The following LRBA variants were observed in gnomAD, a reference collection of about 807,000 sequenced individuals.
LRBA encodes the protein lipopolysaccharide-responsive and beige-like anchor protein.
LRBA carries 176 observed loss-of-function variants against 330.0 expected under a neutral mutation model. The observed-to-expected ratio is 0.53, with a 90% CI of 0.47 to 0.60. The LOEUF is 0.60. Among genes scored for constraint, LRBA ranks in the 20% least tolerant of loss-of-function variants. The probability of loss-of-function intolerance (pLI) is 0.00; values close to 1 mark genes in which losing one functional copy is unlikely to be tolerated. For synonymous variants in LRBA, 1,230 were observed against 1,193.0 expected (o/e 1.03, Z -0.64); for missense variants, 3,259 against 3,444.8 (o/e 0.95, Z 1.35).
intron 17 of LRBA, 149 bp downstream of exon 17, chr4:150,892,903 T>A (rs1361072516): frequency 3.9e-6 from 2 of 511,594 alleles, no homozygotes; most frequent in African/African-American, 1.9e-5. Context: ...TGAAAAAAAA[T>A]GCATGATTAT....
In LRBA at chr4:150,475,296, G is replaced by A. The variant is rs531584847; in HGVS notation, c.6552-3557C>T. On this transcript the variant is annotated intron_variant, in intron 42 of 56. Coordinates refer to ENST00000651943, the MANE Select transcript of LRBA (RefSeq NM_001364905.1). Reference sequence around the variant, plus strand: ...TGGTATTGAGGTGACTGACCTTATAGAATGAGTTGCAAGTGTTTCCTCCCT... The same window carrying A: ...TGGTATTGAGGTGACTGACCTTATAAAATGAGTTGCAAGTGTTTCCTCCCT... 7.2e-5 allele frequency among the ~76,000 whole-genome samples: 11 copies of A among 152,268 alleles called. 1 individual carries two copies. In the South Asian group the frequency reaches 2.3e-3, roughly 32 times the overall value.
At chr4:150,784,085 T>C (rs2099309062) in intron 34 of LRBA, among the ~76,000 whole-genome samples, 1 of 152,218 alleles carries the variant, frequency 6.6e-6, no homozygotes, top group African/African-American at 2.4e-5. Flanking sequence ...CCAAGTTTTA[T>C]TAAGGTATAA....
chr4:150,637,392 A>T (rs1033568939), intron 37 of LRBA, among the ~76,000 whole-genome samples: 2 of 152,188 alleles, frequency 1.3e-5, no homozygotes, highest in African/African-American at 4.8e-5. Context: ...CTTTTTCAAC[A>T]TTGTTTCGGC....
In LRBA at chr4:150,844,641, T is replaced by C. The variant is rs1169299058; in HGVS notation, c.4461+17A>G. The C allele has an allele frequency of 6.3e-7, 1 of 1,583,928 alleles. No individual in the cohort carries two copies. The highest frequency in any genetic ancestry group is 8.6e-7 in the Non-Finnish European group (1 of 1,169,144). ...TAGGAGTATGCTTTTTGAAAATTAA[T>C]TAATCTGTATACTTACCTTCGCTGC... is the stretch of plus-strand genomic sequence containing the variant. On this transcript the variant is annotated intron_variant, in intron 27 of 56. Transcript: ENST00000651943.
chr4:150,718,549 T>C (rs1224885109), intron 36 of LRBA, among the ~76,000 whole-genome samples: 2 of 152,058 alleles, frequency 1.3e-5, no homozygotes, highest in Non-Finnish European at 2.9e-5. Context: ...TGAAGTTTGT[T>C]GAAAAAGGGT....
chr4:150,612,031 T>C (rs550058631), intron 37 of LRBA, among the ~76,000 whole-genome samples: 23 of 152,228 alleles, frequency 1.5e-4, no homozygotes, highest in African/African-American at 5.3e-4. Flanking sequence ...GCCTCCTGAG[T>C]AGCTGGGACT....
At chr4:150,490,595 A>T (rs1336816369) in intron 41 of LRBA, among the ~76,000 whole-genome samples, 1 of 151,942 alleles carries the variant, frequency 6.6e-6, no homozygotes, top group African/African-American at 2.4e-5. Context: ...GCCACCTTCC[A>T]GAAGGAATTA....
Position 150,937,384 on chromosome 4 carries a change from T to G in LRBA, c.217-8319A>C, listed in dbSNP as rs555824334. ...GGCATTGGCTAGTTATTATCTGAGC[T>G]GTAGTAATGGCTCTGCACTACAAAA... On this transcript the variant is annotated intron_variant, in intron 2 of 56. Transcript: ENST00000651943. Among the ~76,000 whole-genome samples, 4 of 152,256 alleles carry G rather than the reference T, an allele frequency of 2.6e-5. No homozygotes were observed. In the East Asian group the frequency reaches 7.7e-4, roughly 29 times the overall value.
chr4:150,622,348 A>T (rs115394549), intron 37 of LRBA, among the ~76,000 whole-genome samples: 135 of 152,322 alleles, frequency 8.9e-4, no homozygotes, highest in African/African-American at 3.0e-3. Context: ...AGACCAGTCT[A>T]GGCAATATAT....
At chr4:150,700,692 T>C (rs1460388923) in intron 36 of LRBA, among the ~76,000 whole-genome samples, 1 of 152,230 alleles carries the variant, frequency 6.6e-6, no homozygotes, top group African/African-American at 2.4e-5. Flanking sequence ...ATAACACAGT[T>C]TAAAATGCAC....
In LRBA at chr4:150,735,371, A is replaced by G. The variant is rs1381912872; in HGVS notation, c.5646-5T>C. On this transcript the variant is annotated splice_polypyrimidine_tract_variant and splice_region_variant and intron_variant, in intron 35 of 56. Transcript: ENST00000651943. ...TTCATTGTCTGGCTAAGCAACCTGTAAGAAATGAATGTTATCAAATAAATA... is the reference window on the plus strand; with the variant it reads ...TTCATTGTCTGGCTAAGCAACCTGTGAGAAATGAATGTTATCAAATAAATA... 1.3e-6 allele frequency: 2 copies of G among 1,570,034 alleles called. No homozygotes were observed. Among genetic ancestry groups the G allele is most frequent in the East Asian group, 4.5e-5 (2 of 44,668 alleles).
At chr4:150,694,462 C>CAAAAAAAAAAAAAAAAAAAAAAAAAAAAA (rs58558446) in intron 36 of LRBA, among the ~76,000 whole-genome samples, 7 of 71,038 alleles carry the variant, frequency 9.9e-5, no homozygotes, top group African/African-American at 3.4e-4. Context: ...TGATCTTTAA[C>CAAAAAAAAAAAAAAAAAAAAAAAAAAAAA]AAAAAAAAAA....
At chr4:150,731,998 G>A (rs115031552) in intron 36 of LRBA, among the ~76,000 whole-genome samples, 67 of 151,868 alleles carry the variant, frequency 4.4e-4, no homozygotes, top group African/African-American at 1.4e-3. Flanking sequence ...ATATTACAAC[G>A]AAAAGAAATA....
intron 41 of LRBA, among the ~76,000 whole-genome samples, chr4:150,489,029 TATATTATATATAATATATTA>T: frequency 2.7e-5 from 3 of 111,916 alleles, no homozygotes; most frequent in South Asian, 2.5e-4. Flanking sequence ...TATAAGAATA[TATATTATATATAATATATTA>T]TATATAAGAA....
intron 36 of LRBA, among the ~76,000 whole-genome samples, chr4:150,712,676 C>T (rs1213170444): frequency 1.3e-5 from 2 of 152,084 alleles, no homozygotes; most frequent in East Asian, 3.8e-4. Context: ...AAAATATTTA[C>T]TGCCAAAAAA....
At chr4:150,647,352 C>CTTTTTTTTTTTTTT (rs769403201) in intron 37 of LRBA, among the ~76,000 whole-genome samples, 4 of 79,798 alleles carry the variant, frequency 5.0e-5, no homozygotes, top group East Asian at 8.5e-4. Flanking sequence ...ATTACTTTTT[C>CTTTTTTTTTTTTTT]TTTTTTTTTT....
chr4:150,771,056 A>C (rs1370277192), intron 34 of LRBA, among the ~76,000 whole-genome samples: 1 of 152,090 alleles, frequency 6.6e-6, no homozygotes, highest in South Asian at 2.1e-4. Context: ...CTGGGAAGCA[A>C]TCTTAACTTC....
chr4:150,988,349 T>C (rs1741684435), intron 2 of LRBA, among the ~76,000 whole-genome samples: 1 of 152,188 alleles, frequency 6.6e-6, no homozygotes, highest in Non-Finnish European at 1.5e-5. Flanking sequence ...GACTTTAAGT[T>C]CCTAGAAAAT....
chr4:150,831,017 G>A (rs1002540894), intron 29 of LRBA, among the ~76,000 whole-genome samples: 2 of 151,680 alleles, frequency 1.3e-5, no homozygotes, highest in Non-Finnish European at 2.9e-5. Flanking sequence ...CAGCTGCCTC[G>A]GCTTCCCAAA....
Sources: allele counts gnomAD v4.1 joint callset (sites outside exome capture counted in the v4.1 genomes callset), GRCh38; gene constraint gnomAD v4.1.1; transcripts MANE v1.5; gene names NCBI Gene and HGNC (gene_info 2026-07-23, HGNC 2026-07-21).